Variants in RUNX3 observed in about 807,000 individuals in gnomAD.
The protein encoded by RUNX3 is RUNX family transcription factor 3.
A neutral mutation model predicts 27.7 loss-of-function variants in RUNX3; 10 were observed. That is an observed-to-expected ratio of 0.36 (90% CI 0.22 to 0.61). RUNX3 has a LOEUF of 0.61. Among genes scored for constraint, RUNX3 ranks in the 20% least tolerant of loss-of-function variants. The probability of loss-of-function intolerance (pLI) is 0.72; values close to 1 mark genes in which losing one functional copy is unlikely to be tolerated. For synonymous variants in RUNX3, 270 were observed against 269.2 expected (o/e 1.00, Z -0.03); for missense variants, 469 against 629.5 (o/e 0.75, Z 2.73).
chr1:24,941,314 A>G (rs1265355871), intron 2 of RUNX3, among the ~76,000 whole-genome samples: 1 of 152,200 alleles, frequency 6.6e-6, no homozygotes, highest in Non-Finnish European at 1.5e-5. Flanking sequence ...CCTACATAGG[A>G]AGGGGCAGAG....
chr1:24,929,573 G>C lies in RUNX3; in HGVS notation c.282+14C>G. 3 of 1,597,968 alleles carry C rather than the reference G, an allele frequency of 1.9e-6. No individual in the cohort carries two copies. Among genetic ancestry groups the C allele is most frequent in the South Asian group, 2.2e-5 (2 of 89,790 alleles). On this transcript the variant is annotated intron_variant, in intron 1 of 4. Coordinates refer to ENST00000308873, the MANE Select transcript of RUNX3 (RefSeq NM_004350.3). Reference sequence around the variant, plus strand: ...CCAGGGCCGGCGCCCTCCCGCCCCGGGTCCCGCACTCACCTTGAAGGCGAC... The same window carrying C: ...CCAGGGCCGGCGCCCTCCCGCCCCGCGTCCCGCACTCACCTTGAAGGCGAC...
chr1:24,942,758 A>G (rs1641508937), intron 2 of RUNX3, among the ~76,000 whole-genome samples: 1 of 152,194 alleles, frequency 6.6e-6, no homozygotes, highest in Non-Finnish European at 1.5e-5. Flanking sequence ...AAGTAGCCTG[A>G]CCTGCAGTGC....
intron 2 of RUNX3, among the ~76,000 whole-genome samples, chr1:24,937,014 A>C (rs1641363237): frequency 6.6e-6 from 1 of 152,220 alleles, no homozygotes; most frequent in African/African-American, 2.4e-5. Context: ...ATGAGATACA[A>C]ATGGGCATAC....
At chr1:24,951,574 C>A (rs966396068) in intron 2 of RUNX3, among the ~76,000 whole-genome samples, 1 of 152,228 alleles carries the variant, frequency 6.6e-6, no homozygotes, top group African/African-American at 2.4e-5. Flanking sequence ...CCCTTCACCC[C>A]TTGAGTCGCT....
rs1641182423 is a variant in RUNX3 at position 24,929,891 on chromosome 1, G to A, written c.-23C>T. 1.6e-6 allele frequency: 2 copies of A among 1,266,924 alleles called. No individual in the cohort carries two copies. The highest frequency in any genetic ancestry group is 3.2e-5 in the East Asian group (1 of 31,098). The allele number at this position is 1,266,924 out of a possible 1,614,324, so 78.5% of individuals were successfully genotyped here. A position where few individuals can be genotyped will look rare whatever the true frequency, so the allele number is the denominator to read the frequency against. On this transcript the variant is annotated 5_prime_UTR_variant, in exon 1 of 5. Transcript: ENST00000308873. ...CATAACAGCGGCCGTCAGGGCGCCG[G>A]GCAGGCGGAGACGGCGCGGCTTCCC...
intron 2 of RUNX3, among the ~76,000 whole-genome samples, chr1:24,956,574 C>A (rs1641931417): frequency 6.6e-6 from 1 of 151,464 alleles, no homozygotes; most frequent in African/African-American, 2.4e-5. Context: ...CCTTTCTCCA[C>A]CCCCCCTGGA....
Position 24,901,000 on chromosome 1 carries a change from G to A in RUNX3, c.*1122C>T, listed in dbSNP as rs879292717. ...GATTAAGCTTCTTTTTCTAAAATCAGTTTTAAAAACTGTTTTGTTTTTTTT... is the reference window on the plus strand; with the variant it reads ...GATTAAGCTTCTTTTTCTAAAATCAATTTTAAAAACTGTTTTGTTTTTTTT... On this transcript the variant is annotated 3_prime_UTR_variant, in exon 5 of 5. Transcript: ENST00000308873. 2 of 142,036 alleles carry A rather than the reference G, an allele frequency of 1.4e-5. No individual in the cohort carries two copies. Among genetic ancestry groups the A allele is most frequent in the Non-Finnish European group, 3.1e-5 (2 of 64,326 alleles). 8.8% of individuals were successfully genotyped at this position (142,036 alleles called of 1,614,324 possible).
intron 3 of RUNX3, among the ~76,000 whole-genome samples, chr1:24,908,098 CG>C (rs1640710766): frequency 7.0e-6 from 1 of 142,730 alleles, no homozygotes; most frequent in Non-Finnish European, 1.5e-5. Context: ...CGCGGTGATC[CG>C]AACCTCTACG....
intron 2 of RUNX3, among the ~76,000 whole-genome samples, chr1:24,944,370 C>T (rs1468090152): frequency 1.3e-5 from 2 of 152,198 alleles, no homozygotes; most frequent in Non-Finnish European, 2.9e-5. Context: ...ATTCTGTCTG[C>T]CTGGCTCAGC....
chr1:24,901,010 C>A lies in RUNX3; in HGVS notation c.*1112G>T, dbSNP rs1337326619. On this transcript the variant is annotated 3_prime_UTR_variant, in exon 5 of 5. Transcript: ENST00000308873. ...CTTTTTCTAAAATCAGTTTTAAAAA[C>A]TGTTTTGTTTTTTTTTTGTTTTTTT... The A allele has an allele frequency of 6.9e-6, 1 of 145,952 alleles. No homozygotes were observed. 9.0% of individuals were successfully genotyped at this position (145,952 alleles called of 1,614,324 possible). A position where few individuals can be genotyped will look rare whatever the true frequency, so the allele number is the denominator to read the frequency against.
intron 2 of RUNX3, among the ~76,000 whole-genome samples, chr1:24,952,003 G>C (rs558887813): frequency 1.3e-5 from 2 of 152,144 alleles, no homozygotes; most frequent in African/African-American, 2.4e-5. Flanking sequence ...CAAAGGTATG[G>C]AAAACACTTA....
intron 2 of RUNX3, among the ~76,000 whole-genome samples, chr1:24,951,071 T>C (rs1054931419): frequency 1.3e-5 from 2 of 151,848 alleles, no homozygotes; most frequent in African/African-American, 4.8e-5. Context: ...CCGGTTGTGG[T>C]GGTGCGTGCC....
At chr1:24,961,161 G>A (rs1447417948) in intron 2 of RUNX3, among the ~76,000 whole-genome samples, 2 of 152,102 alleles carry the variant, frequency 1.3e-5, no homozygotes, top group African/African-American at 4.8e-5. Context: ...AAACTGAGAG[G>A]GGAGGGCTGG....
intron 3 of RUNX3, among the ~76,000 whole-genome samples, chr1:24,917,120 C>T (rs1478829259): frequency 1.3e-5 from 2 of 152,152 alleles, no homozygotes; most frequent in Admixed American, 6.5e-5. Flanking sequence ...CAACCTTGCC[C>T]GGTCCCTTGG....
intron 2 of RUNX3, among the ~76,000 whole-genome samples, chr1:24,922,769 GGGGCCCACA>G (rs1641023548): frequency 6.9e-6 from 1 of 144,560 alleles, no homozygotes; most frequent in African/African-American, 2.6e-5. Flanking sequence ...AGCTATCAGA[GGGGCCCACA>G]GGGCAAAAAA....
chr1:24,933,055 C>G (rs1465606872), upstream of RUNX3, among the ~76,000 whole-genome samples: 1 of 152,200 alleles, frequency 6.6e-6, no homozygotes, highest in African/African-American at 2.4e-5. Context: ...TCTCTAAGTG[C>G]GTTCTTGGCA....
chr1:24,930,391 C>A (rs1390076558), upstream of RUNX3: 3 of 258,776 alleles, frequency 1.2e-5, no homozygotes, highest in Non-Finnish European at 1.8e-5. This position sits in a 1 kb window ranked among gnomAD's most constrained non-coding sequence, Gnocchi z 4.1. Context: ...ACCTCGGTGG[C>A]GTTCGCGGGG....
chr1:24,932,359 C>T (rs1641250882), upstream of RUNX3, among the ~76,000 whole-genome samples: 1 of 152,132 alleles, frequency 6.6e-6, no homozygotes, highest in South Asian at 2.1e-4. Flanking sequence ...GCCCTTGGGT[C>T]CCCAGACCAA....
chr1:24,925,450 G>A (rs6693940), intron 2 of RUNX3, among the ~76,000 whole-genome samples: 7,127 of 152,064 alleles, frequency 0.047, 485 homozygotes, highest in African/African-American at 0.15. Flanking sequence ...CTCAATATGC[G>A]CCAGCTGATA....
Sources: gnomAD v4.1 joint callset for allele counts (sites outside exome capture counted in the v4.1 genomes callset) on GRCh38, gnomAD v4.1.1 for gene constraint, Gnocchi (gnomAD v3.1) non-coding constraint, MANE v1.5 for transcripts, NCBI Gene and HGNC (gene_info 2026-07-23, HGNC 2026-07-21) for gene names.